DLGAP1: variants seen among roughly 807,000 people sequenced by gnomAD.
The protein encoded by DLGAP1 is DLG associated protein 1, also known as disks large-associated protein 1.
Under a neutral mutation model 90.8 loss-of-function variants are expected in DLGAP1, and 11 were observed. The ratio of observed to expected loss-of-function variants is 0.12; its 90% CI spans 0.08 to 0.20. DLGAP1 has a LOEUF of 0.20. Among genes scored for constraint, DLGAP1 ranks in the 10% least tolerant of loss-of-function variants. The pLI, the probability that DLGAP1 is intolerant of heterozygous loss-of-function variation, is 1.00. For missense variants in DLGAP1, 1,050 were observed against 1,333.8 expected, an observed-to-expected ratio of 0.79 and a Z score of 3.31; for synonymous variants, 558 against 540.7, an observed-to-expected ratio of 1.03 and a Z score of -0.44.
At chr18:4,451,420 A>G (rs549842507) in intron 1 of DLGAP1, among the ~76,000 whole-genome samples, 1 of 152,348 alleles carries the variant, frequency 6.6e-6, no homozygotes, top group African/African-American at 2.4e-5. Flanking sequence ...ACATCTTAGA[A>G]GCAAAAGAAC....
chr18:4,399,209 T>A (rs1046641628), intron 1 of DLGAP1, among the ~76,000 whole-genome samples: 1 of 152,230 alleles, frequency 6.6e-6, no homozygotes, highest in African/African-American at 2.4e-5. Flanking sequence ...TGTCAAGTTG[T>A]TAAAAAGAAA....
intron 3 of DLGAP1, among the ~76,000 whole-genome samples, chr18:3,968,101 A>C (rs2073367482): frequency 6.6e-6 from 1 of 152,322 alleles, no homozygotes; most frequent in East Asian, 1.9e-4. Flanking sequence ...TAGCTCTATC[A>C]CATCTTTCTG....
chr18:4,214,542 C>A (rs76475653), intron 1 of DLGAP1, among the ~76,000 whole-genome samples: 1 of 152,070 alleles, frequency 6.6e-6, no homozygotes, highest in Non-Finnish European at 1.5e-5. Flanking sequence ...AGGGTACACA[C>A]GTAAATTTCT....
chr18:4,120,757 T>C (rs971235839), intron 2 of DLGAP1, among the ~76,000 whole-genome samples: 1 of 146,828 alleles, frequency 6.8e-6, no homozygotes, highest in African/African-American at 2.5e-5. Flanking sequence ...CGTCCTGCCA[T>C]CCTCCTCCCT....
intron 10 of DLGAP1, among the ~76,000 whole-genome samples, chr18:3,531,982 G>A (rs1030097572): frequency 6.6e-6 from 1 of 152,084 alleles, no homozygotes. Context: ...AGCCTCCTAA[G>A]TAGCTGGGAT....
At chr18:4,012,316 C>A (rs1019786395) in intron 2 of DLGAP1, among the ~76,000 whole-genome samples, 1 of 152,164 alleles carries the variant, frequency 6.6e-6, no homozygotes, top group Non-Finnish European at 1.5e-5. Flanking sequence ...AGTTCAGGCT[C>A]CTCAGAGCAG....
chr18:3,686,938 C>G (rs1228755184), intron 7 of DLGAP1, among the ~76,000 whole-genome samples: 1 of 152,118 alleles, frequency 6.6e-6, no homozygotes, highest in African/African-American at 2.4e-5. Flanking sequence ...TAGGGTGGGC[C>G]TAATGTCATC....
chr18:3,979,167 T>C (rs904533705), intron 3 of DLGAP1, among the ~76,000 whole-genome samples: 2 of 152,210 alleles, frequency 1.3e-5, no homozygotes, highest in East Asian at 1.9e-4. Flanking sequence ...CACATAATAA[T>C]GTTTCGGTCA....
chr18:4,227,370 A>G (rs892538837), intron 1 of DLGAP1, among the ~76,000 whole-genome samples: 1 of 152,052 alleles, frequency 6.6e-6, no homozygotes, highest in African/African-American at 2.4e-5. Context: ...ATATTTACAG[A>G]ACATTTCATC....
Position 4,096,111 on chromosome 18 carries a change from C to T in DLGAP1, c.-159+55069G>A, listed in dbSNP as rs77967111. 1.6e-3 allele frequency among the ~76,000 whole-genome samples: 251 copies of T among 152,256 alleles called. 2 individuals carry two copies. The South Asian group carries it at 0.026, about 16-fold the overall frequency. ...GGTGATCTCAGCTCACTGCAGTCTCCGCCTTCTGGGTTCAAGTGATTCTCC... is the reference window on the plus strand; with the variant it reads ...GGTGATCTCAGCTCACTGCAGTCTCTGCCTTCTGGGTTCAAGTGATTCTCC... On this transcript the variant is annotated intron_variant, in intron 2 of 12. Transcript: ENST00000315677.
chr18:3,868,367 T>C (rs2070533462), intron 4 of DLGAP1, among the ~76,000 whole-genome samples: 1 of 152,088 alleles, frequency 6.6e-6, no homozygotes, highest in African/African-American at 2.4e-5. Context: ...GGATTACAGG[T>C]AGGGTTCCTT....
At chr18:4,357,279 A>G (rs1176585293) in intron 1 of DLGAP1, among the ~76,000 whole-genome samples, 1 of 144,588 alleles carries the variant, frequency 6.9e-6, no homozygotes, top group East Asian at 2.1e-4. Context: ...TCAGCCTCCC[A>G]AGCAGCTGGG....
intron 4 of DLGAP1, among the ~76,000 whole-genome samples, chr18:3,866,072 T>C (rs949877054): frequency 6.6e-6 from 1 of 152,140 alleles, no homozygotes; most frequent in Admixed American, 6.5e-5. Flanking sequence ...GGAGAAAAGG[T>C]ATGAAGGTAA....
intron 7 of DLGAP1, chr18:3,594,620 G>A (rs1261866868): frequency 6.6e-6 from 1 of 152,138 alleles, no homozygotes; most frequent in Non-Finnish European, 1.5e-5. Flanking sequence ...TTAGCTGCAG[G>A]GTTAAACCTC....
rs1246192731 is a variant in DLGAP1 at position 4,033,170 on chromosome 18, TTTCA to T, written c.-158-27973_-158-27970del. On this transcript the variant is annotated intron_variant, in intron 2 of 12. Coordinates refer to ENST00000315677, the MANE Select transcript of DLGAP1 (RefSeq NM_004746.4). ...TTTCATTTTTATTTTTATTCATTAA[TTTCA>T]TTCATTATTTTTAATTTCATATGAT... Among the ~76,000 whole-genome samples the T allele has an allele frequency of 4.1e-4, 62 of 152,252 alleles. 1 individual carries two copies. The highest frequency in any genetic ancestry group is 1.4e-3 in the African/African-American group (60 of 41,558).
chr18:3,896,693 T>A (rs1258446501), intron 3 of DLGAP1: 4 of 152,348 alleles, frequency 2.6e-5, no homozygotes, highest in Non-Finnish European at 5.9e-5. Context: ...TCTCAGAAGC[T>A]ATGTCTCTTT....
intron 1 of DLGAP1, among the ~76,000 whole-genome samples, chr18:4,356,103 G>A (rs1196834682): frequency 6.6e-6 from 1 of 151,786 alleles, no homozygotes; most frequent in Non-Finnish European, 1.5e-5. Flanking sequence ...AGCAGGAAGT[G>A]CACCGTAGTC....
chr18:4,224,578 C>T (rs1322544813), intron 1 of DLGAP1, among the ~76,000 whole-genome samples: 1 of 152,140 alleles, frequency 6.6e-6, no homozygotes, highest in Non-Finnish European at 1.5e-5. Flanking sequence ...ACCTGCAGGC[C>T]TGTGGTGGTG....
At chr18:4,284,481 C>A (rs2079634029) in intron 1 of DLGAP1, among the ~76,000 whole-genome samples, 1 of 152,158 alleles carries the variant, frequency 6.6e-6, no homozygotes, top group Admixed American at 6.5e-5. Context: ...GTCAAAGAGC[C>A]TGTGAGGAGA....
Sources: gnomAD v4.1 joint callset for allele counts (sites outside exome capture counted in the v4.1 genomes callset) on GRCh38, gnomAD v4.1.1 for gene constraint, MANE v1.5 for transcripts, NCBI Gene and HGNC (gene_info 2026-07-23, HGNC 2026-07-21) for gene names.